The following MDFIC variants were observed in gnomAD, a reference collection of about 807,000 sequenced individuals.
MDFIC encodes the protein MyoD family inhibitor domain containing.
MDFIC carries 17 observed loss-of-function variants against 23.2 expected under a neutral mutation model. That is an observed-to-expected ratio of 0.73 (90% CI 0.50 to 1.10). The LOEUF (loss-of-function observed/expected upper bound fraction) is 1.10, where lower values mean the gene tolerates loss of function less well. Among genes scored for constraint, MDFIC ranks in the 50% least tolerant of loss-of-function variants. MDFIC has a pLI of 0.00. For synonymous variants in MDFIC, 120 were observed against 115.2 expected (o/e 1.04, Z -0.27); for missense variants, 356 against 316.6 (o/e 1.12, Z -0.95).
At chr7:115,005,864 A>G (rs1450606258) in intron 4 of MDFIC, among the ~76,000 whole-genome samples, 1 of 152,244 alleles carries the variant, frequency 6.6e-6, no homozygotes, top group Admixed American at 6.5e-5. Flanking sequence ...AGGAATGTGG[A>G]AAGAGTAACA....
chr7:114,972,571 T>TA (rs973979670), intron 3 of MDFIC, among the ~76,000 whole-genome samples: 1 of 152,176 alleles, frequency 6.6e-6, no homozygotes, highest in Admixed American at 6.5e-5. Flanking sequence ...ATCATTATTA[T>TA]ACCTCATTAA....
chr7:114,995,900 G>C (rs1334365330), intron 4 of MDFIC, among the ~76,000 whole-genome samples: 1 of 152,168 alleles, frequency 6.6e-6, no homozygotes, highest in African/African-American at 2.4e-5. Context: ...CCTGTCTTCT[G>C]CGTCACTCAT....
At chr7:114,943,497 T>C (rs1315320185) in intron 3 of MDFIC, among the ~76,000 whole-genome samples, 1 of 152,108 alleles carries the variant, frequency 6.6e-6, no homozygotes, top group Non-Finnish European at 1.5e-5. Flanking sequence ...TTAGGACCAT[T>C]TTGGTTTTTA....
At chr7:114,975,980 C>T (rs1332382569) in intron 3 of MDFIC, among the ~76,000 whole-genome samples, 1 of 151,778 alleles carries the variant, frequency 6.6e-6, no homozygotes, top group Non-Finnish European at 1.5e-5. Context: ...ATTTATCTGC[C>T]AACAGAAATG....
chr7:114,973,744 T>C (rs539909703), intron 3 of MDFIC, among the ~76,000 whole-genome samples: 1 of 152,268 alleles, frequency 6.6e-6, no homozygotes, highest in South Asian at 2.1e-4. Context: ...TATTTTGCAA[T>C]CATTAAAACC....
intron 2 of MDFIC, among the ~76,000 whole-genome samples, chr7:114,935,532 G>GTT (rs67332555): frequency 1.3e-3 from 196 of 149,472 alleles, no homozygotes; most frequent in East Asian, 0.012. Flanking sequence ...TTTTCTTTTT[G>GTT]TTTTTTTTTG....
intron 4 of MDFIC, among the ~76,000 whole-genome samples, chr7:115,009,721 G>C (rs1355880396): frequency 6.6e-6 from 1 of 152,176 alleles, no homozygotes. Flanking sequence ...CTGCCTAAGC[G>C]TAACACTGAT....
At chr7:114,995,665 T>G in intron 4 of MDFIC, among the ~76,000 whole-genome samples, 1 of 152,204 alleles carries the variant, frequency 6.6e-6, no homozygotes, top group East Asian at 1.9e-4. Flanking sequence ...CAGCAAATAT[T>G]GCTGAACAGC....
chr7:114,938,999 G>T (rs551856522), intron 2 of MDFIC, among the ~76,000 whole-genome samples: 1 of 152,228 alleles, frequency 6.6e-6, no homozygotes, highest in Non-Finnish European at 1.5e-5. Context: ...TAGTAAGGTT[G>T]GTTTCATGTT....
In MDFIC at chr7:114,922,313, T is replaced by C; in HGVS notation, c.-431T>C. On this transcript the variant is annotated 5_prime_UTR_variant, in exon 1 of 5. Coordinates refer to ENST00000393486, the MANE Select transcript of MDFIC (RefSeq NM_001166345.3). ...AAAAAGAGCAACAGAGGGAGAAGTG[T>C]TTCAGGATTGTAGGAGTGGAAGAGG... 1 of 955,106 alleles carries C rather than the reference T, an allele frequency of 1.0e-6. No individual in the cohort carries two copies. Among genetic ancestry groups the C allele is most frequent in the East Asian group, 3.3e-5 (1 of 30,402 alleles). The allele number at this position is 955,106 out of a possible 1,614,324, so 59.2% of individuals were successfully genotyped here.
chr7:115,002,186 G>T (rs763697265), intron 4 of MDFIC, among the ~76,000 whole-genome samples: 11 of 152,066 alleles, frequency 7.2e-5, no homozygotes, highest in African/African-American at 2.7e-4. Context: ...CTGGCTTCCC[G>T]TTATCCAGAA....
chr7:114,936,662 C>T (rs946986665), intron 2 of MDFIC, among the ~76,000 whole-genome samples: 7 of 152,084 alleles, frequency 4.6e-5, no homozygotes, highest in East Asian at 1.9e-4. Context: ...CTGAGTATTG[C>T]GATAGACGTT....
chr7:114,959,424 G>T (rs1792944534), intron 3 of MDFIC, among the ~76,000 whole-genome samples: 1 of 152,002 alleles, frequency 6.6e-6, no homozygotes, highest in Non-Finnish European at 1.5e-5. Context: ...TCACATCTTT[G>T]TTCATTAATA....
intron 3 of MDFIC, among the ~76,000 whole-genome samples, chr7:114,958,057 T>C (rs891525857): frequency 1.3e-5 from 2 of 152,192 alleles, no homozygotes; most frequent in Non-Finnish European, 2.9e-5. Context: ...AAACTTATCA[T>C]TGTGAAATAA....
chr7:114,929,084 G>GATCTATCTATCTATCT (rs11273513), intron 2 of MDFIC, among the ~76,000 whole-genome samples: 2,557 of 148,064 alleles, frequency 0.017, 29 homozygotes, highest in Non-Finnish European at 0.021. Flanking sequence ...GATAAATATA[G>GATCTATCTATCTATCT]ATCTATCTAT....
intron 3 of MDFIC, among the ~76,000 whole-genome samples, chr7:114,960,945 A>C: frequency 6.6e-6 from 1 of 152,188 alleles, no homozygotes; most frequent in African/African-American, 2.4e-5. Context: ...TCTGGAACCT[A>C]AATGTCAGTA....
chr7:114,922,550 G>A lies in MDFIC; in HGVS notation c.-194G>A, dbSNP rs1257612844. 1 of 1,266,834 alleles carries A rather than the reference G, an allele frequency of 7.9e-7. No individual in the cohort carries two copies. Among genetic ancestry groups the A allele is most frequent in the Admixed American group, 4.1e-5 (1 of 24,640 alleles). 78.5% of individuals were successfully genotyped at this position (1,266,834 alleles called of 1,614,324 possible). On this transcript the variant is annotated 5_prime_UTR_variant, in exon 1 of 5. Transcript: ENST00000393486. ...AGGCCACCGGGGCGAAAATGCGGCC[G>A]CTGCCGGAGGCTCGCTAACTTTCCG...
intron 3 of MDFIC, among the ~76,000 whole-genome samples, chr7:114,978,751 T>C (rs993645412): frequency 5.9e-5 from 9 of 152,100 alleles, no homozygotes; most frequent in Admixed American, 1.3e-4. Context: ...ATTTTGTTCA[T>C]TCCTGTCTAG....
rs183102552 is a variant in MDFIC at position 114,979,856 on chromosome 7, A to G, written c.493+75A>G. 1.5e-5 allele frequency: 22 copies of G among 1,510,110 alleles called. No homozygotes were observed. In the Middle Eastern group the frequency reaches 5.1e-4, roughly 35 times the overall value. 93.5% of individuals were successfully genotyped at this position (1,510,110 alleles called of 1,614,324 possible). A position where few individuals can be genotyped will look rare whatever the true frequency, so the allele number is the denominator to read the frequency against. ...TTTCCTGGTAATTATTTGATCAAGC[A>G]TATATAATTGAAGAATCTTGCTTAT... On this transcript the variant is annotated intron_variant, in intron 4 of 4. Transcript: ENST00000393486.
Sources: allele counts gnomAD v4.1 joint callset (sites outside exome capture counted in the v4.1 genomes callset), GRCh38; gene constraint gnomAD v4.1.1; transcripts MANE v1.5; gene names NCBI Gene and HGNC (gene_info 2026-07-23, HGNC 2026-07-21).